Variants in ZNF285 observed in about 807,000 individuals in gnomAD.
ZNF285 encodes the protein zinc finger protein 285.
ZNF285 carries 4 observed loss-of-function variants against 6.2 expected under a neutral mutation model. The ratio of observed to expected loss-of-function variants is 0.65; its 90% CI spans 0.32 to 1.49. ZNF285 has a LOEUF of 1.49. ZNF285 is among the 40% of genes most tolerant of loss of function. The probability of loss-of-function intolerance (pLI) is 0.07; values close to 1 mark genes in which losing one functional copy is unlikely to be tolerated. For missense variants in ZNF285, 695 were observed against 708.8 expected, an observed-to-expected ratio of 0.98 and a Z score of 0.22; for synonymous variants, 240 against 245.8, an observed-to-expected ratio of 0.98 and a Z score of 0.22.
intron 3 of ZNF285, 87 bp from the exon 4 acceptor site, chr19:44,388,189 A>G: frequency 7.8e-7 from 1 of 1,283,220 alleles, no homozygotes; most frequent in South Asian, 1.4e-5. Flanking sequence ...TGGGGTGGGA[A>G]GTTGTCCCTG....
intron 1 of ZNF285, among the ~76,000 whole-genome samples, chr19:44,400,581 T>C (rs1300699004): frequency 1.3e-5 from 2 of 152,126 alleles, no homozygotes; most frequent in Non-Finnish European, 2.9e-5. Context: ...TCTTTTCTTT[T>C]CTTTTTTCTT....
chr19:44,387,090 G>C lies in ZNF285; in HGVS notation c.1155C>G (p.Ser385=). ...EECGKGFDQS[S]NLLVHQRVHT... is the part of the protein sequence containing the mutation. The stretch of plus-strand genomic sequence containing the variant: ...GGACTCTCTGATGGACAAGAAGGTT[G>C]GAGCTCTGATCAAAGCCCTTCCCAC... The change falls in exon 4 of 4, where the codon TCC becomes TCG. Residue 385 remains serine, a synonymous_variant. Transcript: ENST00000614994. The C allele has an allele frequency of 3.1e-6, 5 of 1,614,064 alleles. No individual in the cohort carries two copies. Among genetic ancestry groups the C allele is most frequent in the Non-Finnish European group, 4.2e-6 (5 of 1,179,998 alleles).
intron 1 of ZNF285, among the ~76,000 whole-genome samples, chr19:44,399,862 C>T (rs1408624231): frequency 6.6e-6 from 1 of 152,008 alleles, no homozygotes; most frequent in African/African-American, 2.4e-5. Flanking sequence ...ATACCTGGGC[C>T]TTAAGAGGTA....
intron 3 of ZNF285, 54 bp from the exon 4 acceptor site, chr19:44,388,156 G>A (rs1971130908): frequency 6.6e-7 from 1 of 1,526,638 alleles, no homozygotes; most frequent in Non-Finnish European, 8.9e-7. Flanking sequence ...TCCATCCAGA[G>A]GTTTTGAGAA....
chr19:44,387,255 G>A lies in ZNF285; in HGVS notation c.990C>T (p.Ser330=), dbSNP rs528234569. ...ECGKGFRRSS[S]LHNHHRVHTG... ...TGTGGACTCGATGATGGTTGTGAAG[G>A]GAAGAGCTGCGCCTGAAGCCCTTGC... The change falls in exon 4 of 4, where the codon TCC becomes TCT. Residue 330 remains serine (S), a synonymous_variant. Coordinates refer to ENST00000614994, the MANE Select transcript of ZNF285 (RefSeq NM_152354.6). 2 of 1,614,074 alleles carry A rather than the reference G, an allele frequency of 1.2e-6. No homozygotes were observed. Among genetic ancestry groups the A allele is most frequent in the Non-Finnish European group, 1.7e-6 (2 of 1,179,990 alleles).
rs145710160 is a variant in ZNF285 at position 44,387,713 on chromosome 19, G to A, written c.532C>T (p.Arg178Cys). 7.0e-5 allele frequency: 113 copies of A among 1,613,802 alleles called. No homozygotes were observed. In the African/African-American group the frequency reaches 1.1e-3, roughly 16 times the overall value. Reference protein sequence around the residue: ...GIYMEEKLYRRAQHDDSLSWT... With the variant: ...GIYMEEKLYRCAQHDDSLSWT... Reference sequence around the variant, plus strand: ...CTGAGGCTGTCATCATGCTGAGCACGTCTGTACAATTTCTCTTCCATGTAA... The same window carrying A: ...CTGAGGCTGTCATCATGCTGAGCACATCTGTACAATTTCTCTTCCATGTAA... Residue 178 changes from arginine (R) to cysteine (C), a missense_variant, in exon 4 of 4, where the codon CGT (arginine) becomes TGT (cysteine). Transcript: ENST00000614994.
intron 1 of ZNF285, among the ~76,000 whole-genome samples, chr19:44,400,747 T>C (rs2123295546): frequency 6.6e-6 from 1 of 152,110 alleles, no homozygotes; most frequent in South Asian, 2.1e-4. Context: ...GCTAATTTTT[T>C]GTAATTGTTT....
chr19:44,387,833 A>G lies in ZNF285; in HGVS notation c.412T>C (p.Trp138Arg). ...AIIKNQDITA[W>R]QSLTQVLTPE... Reference sequence around the variant, plus strand: ...GTAAGAACCTGTGTCAGGCTTTGCCATGCTGTGATATCTTGATTTTTGATA... The same window carrying G: ...GTAAGAACCTGTGTCAGGCTTTGCCGTGCTGTGATATCTTGATTTTTGATA... The change falls in exon 4 of 4, where the codon TGG (tryptophan) becomes CGG (arginine). Residue 138 changes from tryptophan to arginine, a missense_variant. Transcript: ENST00000614994. 6.2e-7 allele frequency: 1 copy of G among 1,613,926 alleles called. No homozygotes were observed. The highest frequency in any genetic ancestry group is 8.5e-7 in the Non-Finnish European group (1 of 1,179,850).
chr19:44,387,052 T>A lies in ZNF285; in HGVS notation c.1193A>T (p.Lys398Met). The A allele has an allele frequency of 6.2e-7, 1 of 1,614,078 alleles. No homozygotes were observed. The highest frequency in any genetic ancestry group is 1.3e-5 in the African/African-American group (1 of 75,022). The change falls in exon 4 of 4, where the codon AAG becomes ATG. Residue 398 changes from lysine (K) to methionine (M), a missense_variant. By Grantham distance (95) the Lys-to-Met change is moderately conservative. Coordinates refer to ENST00000614994, the MANE Select transcript of ZNF285 (RefSeq NM_152354.6). ...LVHQRVHTGEKPYKCSECGKC... is the reference protein window; with the variant it reads ...LVHQRVHTGEMPYKCSECGKC... ...GCCACACTCACTGCATTTGTAGGGC[T>A]TCTCTCCAGTGTGGACTCTCTGATG...
chr19:44,396,225 A>C (rs974561121), intron 2 of ZNF285, among the ~76,000 whole-genome samples: 4 of 152,122 alleles, frequency 2.6e-5, no homozygotes, highest in Admixed American at 2.6e-4. Context: ...AAAACTGAAA[A>C]AGAGATTAAG....
At chr19:44,392,097 C>T (rs1482884258) in intron 3 of ZNF285, 13 of 1,262,612 alleles carry the variant, frequency 1.0e-5, no homozygotes, top group Non-Finnish European at 1.3e-5. Context: ...GGCTTACTTC[C>T]TGCACTGAAT....
intron 3 of ZNF285, among the ~76,000 whole-genome samples, chr19:44,389,964 C>T (rs1258851387): frequency 2.0e-5 from 3 of 152,122 alleles, no homozygotes; most frequent in Admixed American, 6.5e-5. Flanking sequence ...GCTGTGTGAT[C>T]GTGGGCAAGT....
At position 44,393,241 on chromosome 19, in the gene ZNF285, A is replaced by G. The variant is rs560729663; in HGVS notation, c.16-775T>C. 2.0e-5 allele frequency among the ~76,000 whole-genome samples: 3 copies of G among 152,304 alleles called. No homozygotes were observed. In the South Asian group the frequency reaches 6.2e-4, roughly 32 times the overall value. On this transcript the variant is annotated intron_variant, in intron 2 of 3. Coordinates refer to ENST00000614994, the MANE Select transcript of ZNF285 (RefSeq NM_152354.6). The stretch of plus-strand genomic sequence containing the variant: ...AAATAAAATATAGACATGTGTGTGT[A>G]TATATGTATATTATACATATGTTTG...
In ZNF285 at chr19:44,384,051, A is replaced by G. The variant is rs1194776686; in HGVS notation, c.*2421T>C. On this transcript the variant is annotated 3_prime_UTR_variant, in exon 4 of 4. Coordinates refer to ENST00000614994, the MANE Select transcript of ZNF285 (RefSeq NM_152354.6). Reference sequence around the variant, plus strand: ...CCATTCTAAACCCCAAAAGCTTCCTAGGATAATGTGTATCCCGGATTTTTT... The same window carrying G: ...CCATTCTAAACCCCAAAAGCTTCCTGGGATAATGTGTATCCCGGATTTTTT... The G allele has an allele frequency of 6.6e-6, 1 of 152,186 alleles. No individual in the cohort carries two copies. Among genetic ancestry groups the G allele is most frequent in the East Asian group, 1.9e-4 (1 of 5,190 alleles). The allele number at this position is 152,186 out of a possible 1,614,324, so 9.4% of individuals were successfully genotyped here. A position where few individuals can be genotyped will look rare whatever the true frequency, so the allele number is the denominator to read the frequency against.
chr19:44,388,211 C>T lies in ZNF285; in HGVS notation c.143-109G>A, dbSNP rs192674792. ...GGAAGTTGTCCCTGGGTTCTATTGA[C>T]GTATGAAACAATTAGAGCCACGGTA... On this transcript the variant is annotated intron_variant, in intron 3 of 3. Coordinates refer to ENST00000614994, the MANE Select transcript of ZNF285 (RefSeq NM_152354.6). 1.4e-3 allele frequency: 1,390 copies of T among 993,434 alleles called. 4 individuals are homozygous for T. The highest frequency in any genetic ancestry group is 2.6e-3 in the Admixed American group (107 of 41,580). 61.5% of individuals were successfully genotyped at this position (993,434 alleles called of 1,614,324 possible).
chr19:44,394,233 G>A (rs1971242683), intron 2 of ZNF285, among the ~76,000 whole-genome samples: 1 of 151,980 alleles, frequency 6.6e-6, no homozygotes, highest in South Asian at 2.1e-4. Context: ...GACACAGGAA[G>A]GGGAACATCA....
chr19:44,395,840 C>T (rs1971271440), intron 2 of ZNF285, among the ~76,000 whole-genome samples: 1 of 152,122 alleles, frequency 6.6e-6, no homozygotes, highest in South Asian at 2.1e-4. Context: ...CACTTGCTCT[C>T]TTGTCCCTCT....
Position 44,387,024 on chromosome 19 carries a change from C to G in ZNF285, c.1221G>C (p.Lys407Asn). 1 of 1,614,160 alleles carries G rather than the reference C, an allele frequency of 6.2e-7. No individual in the cohort carries two copies. The highest frequency in any genetic ancestry group is 2.2e-5 in the East Asian group (1 of 44,880). The change falls in exon 4 of 4, where the codon AAG becomes AAC. Residue 407 changes from lysine to asparagine, a missense_variant. Physicochemically the swap from Lys to Asn is moderately conservative, Grantham distance 94 (BLOSUM62 0). Transcript: ENST00000614994. Reference sequence around the variant, plus strand: ...GAAGAACGGAGCTTGAACTAAAGCACTTGCCACACTCACTGCATTTGTAGG... The same window carrying G: ...GAAGAACGGAGCTTGAACTAAAGCAGTTGCCACACTCACTGCATTTGTAGG... ...EKPYKCSECG[K>N]CFSSSSVLQV...
At position 44,388,006 on chromosome 19, in the gene ZNF285, C is replaced by T. The variant is rs73039940; in HGVS notation, c.239G>A (p.Arg80Lys). 17,418 of 1,614,112 alleles carry T rather than the reference C, an allele frequency of 0.011. 110 individuals are homozygous for T. The highest frequency in any genetic ancestry group is 0.014 in the Middle Eastern group (82 of 6,062). The change falls in exon 4 of 4, where the codon AGG (arginine) becomes AAG (lysine). Residue 80 changes from arginine to lysine, a missense_variant. Coordinates refer to ENST00000614994, the MANE Select transcript of ZNF285 (RefSeq NM_152354.6). Reference protein sequence around the residue: ...VLHCWQIWKQRIRDLTVSQDY... With the variant: ...VLHCWQIWKQKIRDLTVSQDY... ...CTGACTCACAGTTAAATCCCGGATC[C>T]TTTGTTTCCAAATCTGCCAGCAATG...
Sources: allele counts gnomAD v4.1 joint callset (sites outside exome capture counted in the v4.1 genomes callset), GRCh38; gene constraint gnomAD v4.1.1; transcripts MANE v1.5; gene names NCBI Gene and HGNC (gene_info 2026-07-23, HGNC 2026-07-21).